The following YBEY variants were observed in gnomAD, a reference collection of about 807,000 sequenced individuals.
The protein encoded by YBEY is endoribonuclease YbeY.
YBEY carries 15 observed loss-of-function variants against 13.5 expected under a neutral mutation model. The ratio of observed to expected loss-of-function variants is 1.11; its 90% CI spans 0.75 to 1.72. The LOEUF (loss-of-function observed/expected upper bound fraction) is 1.72. YBEY is among the 40% of genes most tolerant of loss of function. The pLI, the probability that YBEY is intolerant of heterozygous loss-of-function variation, is 0.00. For synonymous variants in YBEY, 101 were observed against 83.1 expected (o/e 1.21, Z -1.17); for missense variants, 244 against 208.4 (o/e 1.17, Z -1.05).
Position 46,286,899 on chromosome 21 carries a change from G to C in YBEY, c.-15G>C, listed in dbSNP as rs779760217. The C allele has an allele frequency of 1.8e-5, 29 of 1,613,546 alleles. No homozygotes were observed. The highest frequency in any genetic ancestry group is 9.9e-5 in the South Asian group (9 of 91,026). On this transcript the variant is annotated 5_prime_UTR_variant, in exon 2 of 5. Transcript: ENST00000397701. ...CGTTGCAAACATTTTTAAAGGGCTGGTTATTCTTCCTGAAATGAGTTTGGT... is the reference window on the plus strand; with the variant it reads ...CGTTGCAAACATTTTTAAAGGGCTGCTTATTCTTCCTGAAATGAGTTTGGT...
At chr21:46,296,288 A>G (rs1366742164) in intron 4 of YBEY, 58 bp downstream of exon 4, 12 of 1,451,008 alleles carry the variant, frequency 8.3e-6, no homozygotes, top group Non-Finnish European at 1.1e-5. Context: ...AGGCTCCCCC[A>G]GGCCCCTGCC....
chr21:46,309,227 G>A, the YBEY span, among the ~76,000 whole-genome samples: 1,782 of 152,240 alleles, frequency 0.012, 20 homozygotes, highest in African/African-American at 0.024. Flanking sequence ...TTAGGAGGCC[G>A]AGGCAGGCAG....
At chr21:46,311,550 G>A in the YBEY span, 1 of 1,610,572 alleles carries the variant, frequency 6.2e-7, no homozygotes, top group South Asian at 1.1e-5. Context: ...GAATGATGGT[G>A]GCAGGAGGCT....
downstream of YBEY, chr21:46,301,175 T>A: frequency 1.4e-6 from 1 of 740,628 alleles, no homozygotes; most frequent in Non-Finnish European, 1.7e-6. Flanking sequence ...AGGGGCCTGC[T>A]CTGTGGTCCA....
In YBEY at chr21:46,287,926, C is replaced by T. The variant is rs1212146667; in HGVS notation, c.210+803C>T. 3.3e-5 allele frequency among the ~76,000 whole-genome samples: 5 copies of T among 151,904 alleles called. No individual in the cohort carries two copies. In the East Asian group the frequency reaches 5.8e-4, roughly 18 times the overall value. On this transcript the variant is annotated intron_variant, in intron 2 of 4. Transcript: ENST00000397701. ...ACCTGGGAGGCTGAGGCAGGAGAAT[C>T]GCTTGAACCCCAGAGATGGAGGTTG...
At chr21:46,288,061 C>T (rs912052263) in intron 2 of YBEY, among the ~76,000 whole-genome samples, 1 of 151,950 alleles carries the variant, frequency 6.6e-6, no homozygotes, top group Non-Finnish European at 1.5e-5. Context: ...ACCCCCCTTC[C>T]CCTCCTAATG....
In YBEY at chr21:46,286,421, TC is replaced by T. The variant is rs561804876; in HGVS notation, c.-45+8del. ...TTTGCTGGGTCCAGACACCGGTACGTCCGGGCGGGTTTTTAGTCTCCCAAGC... is the reference window on the plus strand; with the variant it reads ...TTTGCTGGGTCCAGACACCGGTACGTCGGGCGGGTTTTTAGTCTCCCAAGC... On this transcript the variant is annotated splice_region_variant and intron_variant, in intron 1 of 4. Coordinates refer to ENST00000397701, the MANE Select transcript of YBEY (RefSeq NM_001314025.2). The T allele has an allele frequency of 1.3e-5, 2 of 157,036 alleles. No individual in the cohort carries two copies. The highest frequency in any genetic ancestry group is 3.5e-4 in the South Asian group (2 of 5,656). The allele number at this position is 157,036 out of a possible 1,614,324, so 9.7% of individuals were successfully genotyped here.
chr21:46,301,899 G>T, downstream of YBEY: 1 of 1,339,380 alleles, frequency 7.5e-7, no homozygotes, highest in Non-Finnish European at 9.5e-7. Flanking sequence ...GGTGGTGGCA[G>T]GGTCTCTCCC....
chr21:46,306,069 CA>C, the YBEY span, among the ~76,000 whole-genome samples: 69,057 of 122,174 alleles, frequency 0.57, 17,747 homozygotes, highest in Admixed American at 0.64. Context: ...CACTGTGACT[CA>C]AAAAAAAAAA....
At chr21:46,293,576 CAG>C (rs781714712) in intron 3 of YBEY, among the ~76,000 whole-genome samples, 1 of 7,464 alleles carries the variant, frequency 1.3e-4, no homozygotes. Context: ...GCCCGGGACT[CAG>C]TGGAGTCAGC....
At chr21:46,301,446 T>C (rs1371153644), downstream of YBEY, 70 of 976,362 alleles carry the variant, frequency 7.2e-5, no homozygotes, top group Non-Finnish European at 8.4e-5. Context: ...GCACCCCTAC[T>C]TCTTTAGTGG....
At chr21:46,298,150 G>C (rs2082011591), downstream of YBEY, among the ~76,000 whole-genome samples, 1 of 152,238 alleles carries the variant, frequency 6.6e-6, no homozygotes, top group African/African-American at 2.4e-5. Flanking sequence ...CCGCCGAGCA[G>C]CACCTCAGAG....
intron 2 of YBEY, among the ~76,000 whole-genome samples, chr21:46,288,222 G>C (rs2081545006): frequency 6.6e-6 from 1 of 152,210 alleles, no homozygotes; most frequent in Admixed American, 6.5e-5. Flanking sequence ...CAAACTCAAT[G>C]TAATAGCAGT....
chr21:46,301,187 G>T (rs1345869535), downstream of YBEY: 2 of 640,026 alleles, frequency 3.1e-6, no homozygotes, highest in Non-Finnish European at 3.9e-6. Flanking sequence ...TGTGGTCCAG[G>T]CTATAGTGCA....
At chr21:46,290,220 T>C (rs1169165823) in intron 2 of YBEY, among the ~76,000 whole-genome samples, 1 of 152,072 alleles carries the variant, frequency 6.6e-6, no homozygotes, top group Non-Finnish European at 1.5e-5. Flanking sequence ...CTTTTTTTTT[T>C]TGAGACGGAG....
chr21:46,291,900 G>A, intron 3 of YBEY: 1 of 950,884 alleles, frequency 1.1e-6, no homozygotes, highest in Non-Finnish European at 1.3e-6. Flanking sequence ...TTGTGGTATT[G>A]CAGTAGAGAA....
Position 46,288,672 on chromosome 21 carries a change from C to T in YBEY, c.210+1549C>T, listed in dbSNP as rs1453679476. Among the ~76,000 whole-genome samples the T allele has an allele frequency of 1.1e-4, 16 of 140,410 alleles. No homozygotes were observed. In the East Asian group the frequency reaches 3.0e-3, roughly 27 times the overall value. The allele number at this position is 140,410 out of a possible 152,430, so 92.1% of individuals were successfully genotyped here. A position where few individuals can be genotyped will look rare whatever the true frequency, so the allele number is the denominator to read the frequency against. Reference sequence around the variant, plus strand: ...CCAGCCTGGCGACAGAGCGAGACTCCGTCTCAAAAAGAAAAAAAAAAAAAG... The same window carrying T: ...CCAGCCTGGCGACAGAGCGAGACTCTGTCTCAAAAAGAAAAAAAAAAAAAG... On this transcript the variant is annotated intron_variant, in intron 2 of 4. Transcript: ENST00000397701.
downstream of YBEY, among the ~76,000 whole-genome samples, chr21:46,299,798 CCTAA>C (rs1193728110): frequency 6.6e-6 from 1 of 151,174 alleles, no homozygotes; most frequent in African/African-American, 2.4e-5. Flanking sequence ...AGCCCCCACT[CCTAA>C]CTACCAGGTA....
chr21:46,296,270 G>C (rs1452690523), intron 4 of YBEY, 40 bp downstream of exon 4: 1 of 1,610,772 alleles, frequency 6.2e-7, no homozygotes, highest in South Asian at 1.1e-5. Flanking sequence ...GGGGTGCGTG[G>C]GGGAAGGAGG....
Sources: gnomAD v4.1 joint callset for allele counts (sites outside exome capture counted in the v4.1 genomes callset) on GRCh38, gnomAD v4.1.1 for gene constraint, MANE v1.5 for transcripts, NCBI Gene and HGNC (gene_info 2026-07-23, HGNC 2026-07-21) for gene names.